The following LYPLAL1 variants were observed in gnomAD, a reference collection of about 807,000 sequenced individuals.
LYPLAL1 encodes the protein lysophospholipase-like protein 1.
LYPLAL1 carries 23 observed loss-of-function variants against 19.7 expected under a neutral mutation model. That is an observed-to-expected ratio of 1.17 (90% CI 0.84 to 1.65). The LOEUF (loss-of-function observed/expected upper bound fraction) is 1.65. Among genes scored for constraint, LYPLAL1 ranks in the 40% most tolerant of loss-of-function variants. The pLI, the probability that LYPLAL1 is intolerant of heterozygous loss-of-function variation, is 0.00. For missense variants in LYPLAL1, 355 were observed against 279.4 expected, an observed-to-expected ratio of 1.27 and a Z score of -1.93; for synonymous variants, 119 against 96.3, an observed-to-expected ratio of 1.24 and a Z score of -1.38.
intron 2 of LYPLAL1, among the ~76,000 whole-genome samples, chr1:219,181,787 A>G (rs941399638): frequency 6.6e-6 from 1 of 152,026 alleles, no homozygotes; most frequent in African/African-American, 2.4e-5. Context: ...TTTTTTTCCT[A>G]CCTTATGCTG....
At chr1:219,217,381 TG>T (rs1462438957), downstream of LYPLAL1, among the ~76,000 whole-genome samples, 2 of 130,824 alleles carry the variant, frequency 1.5e-5, no homozygotes, top group Non-Finnish European at 3.5e-5. Context: ...CCAGGTTTGG[TG>T]TGTGTGTGTG....
At chr1:219,398,593 G>T in the LYPLAL1 span, among the ~76,000 whole-genome samples, 1 of 152,176 alleles carries the variant, frequency 6.6e-6, no homozygotes, top group African/African-American at 2.4e-5. Flanking sequence ...CCTTGCTGAG[G>T]AGATGGTGTG....
chr1:219,384,053 CAT>C, the LYPLAL1 span, among the ~76,000 whole-genome samples: 1 of 152,182 alleles, frequency 6.6e-6, no homozygotes, highest in Non-Finnish European at 1.5e-5. Flanking sequence ...CTTCACAGCC[CAT>C]ATGTCTTATA....
At chr1:219,390,913 AT>A in the LYPLAL1 span, among the ~76,000 whole-genome samples, 1 of 152,282 alleles carries the variant, frequency 6.6e-6, no homozygotes, top group Middle Eastern at 3.4e-3. Context: ...TCATTTTATA[AT>A]GGGGAGAAAA....
downstream of LYPLAL1, among the ~76,000 whole-genome samples, chr1:219,217,407 T>TGTGTGTGTGTGA (rs1225833975): frequency 1.7e-5 from 2 of 116,218 alleles, no homozygotes; most frequent in African/African-American, 6.0e-5. Flanking sequence ...TGTGTGTGTG[T>TGTGTGTGTGTGA]GAGAGATGGT....
the LYPLAL1 span, among the ~76,000 whole-genome samples, chr1:219,300,080 G>A: frequency 6.6e-6 from 1 of 152,162 alleles, no homozygotes; most frequent in South Asian, 2.1e-4. Flanking sequence ...CTGGGCTCAG[G>A]CTATCTTCCC....
chr1:219,262,385 T>A, the LYPLAL1 span, among the ~76,000 whole-genome samples: 1 of 152,142 alleles, frequency 6.6e-6, no homozygotes, highest in African/African-American at 2.4e-5. Flanking sequence ...GATCCATTAA[T>A]CTTTTGGGGG....
At chr1:219,178,804 A>G (rs1656023653) in intron 1 of LYPLAL1, among the ~76,000 whole-genome samples, 1 of 152,176 alleles carries the variant, frequency 6.6e-6, no homozygotes, top group Non-Finnish European at 1.5e-5. Flanking sequence ...TAAAAGTCAC[A>G]TATAAATACA....
At chr1:219,410,983 C>G in the LYPLAL1 span, among the ~76,000 whole-genome samples, 1 of 152,246 alleles carries the variant, frequency 6.6e-6, no homozygotes, top group Non-Finnish European at 1.5e-5. Flanking sequence ...CGAGCGCCAC[C>G]CCCTGCTCCA....
intron 3 of LYPLAL1, chr1:219,198,700 A>G (rs748931025): frequency 2.0e-5 from 3 of 152,158 alleles, no homozygotes; most frequent in Non-Finnish European, 2.9e-5. Flanking sequence ...ATTCTGATGT[A>G]TAAGTTTACA....
chr1:219,314,568 C>A, the LYPLAL1 span, among the ~76,000 whole-genome samples: 1 of 152,164 alleles, frequency 6.6e-6, no homozygotes, highest in South Asian at 2.1e-4. Context: ...CCTCAGCCTC[C>A]CTAATAGCTG....
the LYPLAL1 span, among the ~76,000 whole-genome samples, chr1:219,240,709 G>A: frequency 6.6e-6 from 1 of 152,110 alleles, no homozygotes; most frequent in African/African-American, 2.4e-5. Flanking sequence ...AGTAGTTCAA[G>A]TAATATTTAT....
At chr1:219,181,656 C>A (rs1656294718) in intron 2 of LYPLAL1, among the ~76,000 whole-genome samples, 1 of 152,070 alleles carries the variant, frequency 6.6e-6, no homozygotes, top group African/African-American at 2.4e-5. Context: ...TGATCTGGAC[C>A]ATTTGGTCTT....
the LYPLAL1 span, among the ~76,000 whole-genome samples, chr1:219,425,619 T>C: frequency 6.6e-6 from 1 of 152,210 alleles, no homozygotes; most frequent in African/African-American, 2.4e-5. Flanking sequence ...TCAACCTCAC[T>C]GAGTTGTTTT....
At chr1:219,437,524 T>G in the LYPLAL1 span, among the ~76,000 whole-genome samples, 1 of 151,996 alleles carries the variant, frequency 6.6e-6, no homozygotes, top group Non-Finnish European at 1.5e-5. Flanking sequence ...CCTCCCTACA[T>G]TTCCATATTA....
At chr1:219,262,947 G>A in the LYPLAL1 span, among the ~76,000 whole-genome samples, 1 of 152,154 alleles carries the variant, frequency 6.6e-6, no homozygotes, top group African/African-American at 2.4e-5. Flanking sequence ...TGCTGTAATG[G>A]TTTGAGTTGG....
At chr1:219,240,832 G>A in the LYPLAL1 span, among the ~76,000 whole-genome samples, 3 of 151,846 alleles carry the variant, frequency 2.0e-5, no homozygotes, top group Non-Finnish European at 2.9e-5. Flanking sequence ...CTGTGCACAC[G>A]GAAGACTACA....
At chr1:219,353,294 T>A in the LYPLAL1 span, among the ~76,000 whole-genome samples, 5 of 152,236 alleles carry the variant, frequency 3.3e-5, no homozygotes, top group Non-Finnish European at 7.3e-5. Flanking sequence ...GAGGTAACTA[T>A]GCAAAGACAG....
the LYPLAL1 span, among the ~76,000 whole-genome samples, chr1:219,430,409 C>T: frequency 6.6e-6 from 1 of 151,392 alleles, no homozygotes; most frequent in Non-Finnish European, 1.5e-5. Context: ...TTTCTTTTTC[C>T]CTCCCTAGCT....
Sources: gnomAD v4.1 joint callset for allele counts (sites outside exome capture counted in the v4.1 genomes callset) on GRCh38, gnomAD v4.1.1 for gene constraint, MANE v1.5 for transcripts, NCBI Gene and HGNC (gene_info 2026-07-23, HGNC 2026-07-21) for gene names.